The following PLCL1 variants were observed in gnomAD, a reference collection of about 807,000 sequenced individuals.
PLCL1 encodes the protein inactive phospholipase C-like protein 1.
Under a neutral mutation model 84.4 loss-of-function variants are expected in PLCL1, and 41 were observed. The observed-to-expected ratio is 0.49, with a 90% CI of 0.38 to 0.63. The LOEUF is 0.63. Ranked by LOEUF, PLCL1 falls within the 30% of genes least tolerant of loss-of-function variation. The pLI is 0.00. For missense variants in PLCL1, 1,206 were observed against 1,367.8 expected (o/e 0.88, Z 1.87); for synonymous variants, 490 against 488.3 (o/e 1.00, Z -0.05).
intron 1 of PLCL1, among the ~76,000 whole-genome samples, chr2:198,057,433 C>T (rs527280161): frequency 2.0e-5 from 3 of 151,976 alleles, no homozygotes; most frequent in African/African-American, 4.8e-5. Flanking sequence ...TTAGTCTTCT[C>T]GGTACACCTT....
chr2:197,912,906 C>G (rs1688514905), intron 1 of PLCL1, among the ~76,000 whole-genome samples: 2 of 145,236 alleles, frequency 1.4e-5, no homozygotes, highest in African/African-American at 2.6e-5. Flanking sequence ...ACATATGTAA[C>G]TAACCTGCAC....
chr2:198,100,482 TAGAA>T (rs1693306145), intron 3 of PLCL1, among the ~76,000 whole-genome samples: 1 of 151,996 alleles, frequency 6.6e-6, no homozygotes. Context: ...GTTTCCCTAA[TAGAA>T]AGAAATGTGT....
intron 1 of PLCL1, among the ~76,000 whole-genome samples, chr2:198,032,752 A>G (rs1406915573): frequency 6.6e-6 from 1 of 152,222 alleles, no homozygotes; most frequent in Non-Finnish European, 1.5e-5. Flanking sequence ...CCTTAAGGTT[A>G]TAAGATCAAA....
At chr2:197,883,838 C>CA (rs1435073710) in intron 1 of PLCL1, among the ~76,000 whole-genome samples, 1 of 152,160 alleles carries the variant, frequency 6.6e-6, no homozygotes, top group African/African-American at 2.4e-5. Flanking sequence ...TTTTGGGTAT[C>CA]ATGTGCAGAA....
In PLCL1 at chr2:198,083,770, C is replaced by T; in HGVS notation, c.253C>T (p.Gln85Ter). The change falls in exon 2 of 6, where the codon CAA becomes TAA. Residue 85 changes from glutamine (Q) to a stop codon, truncating the protein, a stop_gained. Coordinates refer to ENST00000428675, the MANE Select transcript of PLCL1 (RefSeq NM_006226.4). LOFTEE classifies it high-confidence loss of function. ...RSSIIKDPSN[Q>*]KCGGRKKTVS... The stretch of plus-strand genomic sequence containing the variant: ...AATTATTTTACAGGATCCTTCAAAC[C>T]AAAAATGTGGTGGAAGAAAGAAAAC... 1 of 1,577,484 alleles carries T rather than the reference C, an allele frequency of 6.3e-7. No homozygotes were observed. The highest frequency in any genetic ancestry group is 8.6e-7 in the Non-Finnish European group (1 of 1,164,290).
chr2:197,881,133 C>A (rs764430382), intron 1 of PLCL1, among the ~76,000 whole-genome samples: 9 of 152,144 alleles, frequency 5.9e-5, no homozygotes, highest in Admixed American at 6.6e-5. Flanking sequence ...ACTCCTAACA[C>A]AGTTCTTGGC....
Position 197,969,293 on chromosome 2 carries a change from G to T in PLCL1, c.241-114465G>T, listed in dbSNP as rs189667804. ...AAGTGCATGTGTGAGTCTAGCATAT[G>T]TTGTAGTGTACATTTTTTATAGGGT... On this transcript the variant is annotated intron_variant, in intron 1 of 5. Coordinates refer to ENST00000428675, the MANE Select transcript of PLCL1 (RefSeq NM_006226.4). Among the ~76,000 whole-genome samples, 202 of 152,286 alleles carry T rather than the reference G, an allele frequency of 1.3e-3. 2 individuals carry two copies. The highest frequency in any genetic ancestry group is 1.1e-3 in the Non-Finnish European group (76 of 68,018).
chr2:198,133,670 G>A (rs938407945), intron 5 of PLCL1, among the ~76,000 whole-genome samples: 7 of 152,012 alleles, frequency 4.6e-5, no homozygotes, highest in African/African-American at 1.7e-4. Context: ...AAGTCAACAG[G>A]AGTGAAGCTG....
intron 1 of PLCL1, among the ~76,000 whole-genome samples, chr2:197,963,528 C>T (rs886301898): frequency 4.3e-4 from 65 of 152,098 alleles, no homozygotes; most frequent in Admixed American, 1.1e-3. Flanking sequence ...TCTCCCCATT[C>T]TGTGTGATGT....
intron 1 of PLCL1, among the ~76,000 whole-genome samples, chr2:197,930,405 C>G (rs1452981334): frequency 1.3e-5 from 2 of 152,168 alleles, no homozygotes; most frequent in Non-Finnish European, 2.9e-5. Context: ...GGCAGTTGAG[C>G]TATTTGGTGA....
intron 1 of PLCL1, among the ~76,000 whole-genome samples, chr2:197,997,202 G>A (rs1690489061): frequency 1.3e-5 from 2 of 152,246 alleles, no homozygotes; most frequent in Non-Finnish European, 2.9e-5. Context: ...AGTCCACAGA[G>A]TCCGCTCCCA....
At chr2:197,964,135 A>G (rs1164655682) in intron 1 of PLCL1, among the ~76,000 whole-genome samples, 2 of 152,072 alleles carry the variant, frequency 1.3e-5, no homozygotes, top group Non-Finnish European at 2.9e-5. Context: ...CTCTGTGAAG[A>G]ATGTCATTGG....
intron 1 of PLCL1, among the ~76,000 whole-genome samples, chr2:197,912,914 C>A (rs1268427075): frequency 7.0e-6 from 1 of 143,558 alleles, no homozygotes; most frequent in Admixed American, 7.1e-5. Context: ...AACTAACCTG[C>A]ACAATGTGCA....
At chr2:198,021,676 C>G (rs961485160) in intron 1 of PLCL1, among the ~76,000 whole-genome samples, 1 of 152,112 alleles carries the variant, frequency 6.6e-6, no homozygotes, top group Non-Finnish European at 1.5e-5. Context: ...CACACACACC[C>G]TCCCAAGACT....
Position 197,805,211 on chromosome 2 carries a change from T to C in PLCL1, c.112T>C (p.Ser38Pro), listed in dbSNP as rs1690444430. The C allele has an allele frequency of 7.1e-6, 9 of 1,274,718 alleles. No individual in the cohort carries two copies. The highest frequency in any genetic ancestry group is 8.9e-6 in the Non-Finnish European group (9 of 1,012,554). The allele number at this position is 1,274,718 out of a possible 1,614,324, so 79.0% of individuals were successfully genotyped here. Residue 38 changes from serine to proline, a missense_variant, in exon 1 of 6, where the codon TCT becomes CCT. By Grantham distance (74) the Ser-to-Pro change is moderately conservative (BLOSUM62 -1). Transcript: ENST00000428675. The surrounding 1 kb of genome is among the most constrained non-coding windows in gnomAD (Gnocchi z 4.0). ...CGCCGGGGACTGCGTGACGGCGGCC[T>C]CTGGGGGCCGGATGAGGGACCGTCG... ...DAAGDCVTAA[S>P]GGRMRDRRSG...
At chr2:197,864,228 A>G (rs1687485493) in intron 1 of PLCL1, among the ~76,000 whole-genome samples, 1 of 152,104 alleles carries the variant, frequency 6.6e-6, no homozygotes, top group South Asian at 2.1e-4. Context: ...TGCCAATTTC[A>G]GTATATCACA....
intron 1 of PLCL1, among the ~76,000 whole-genome samples, chr2:198,073,176 T>C (rs1183263794): frequency 6.6e-6 from 1 of 152,234 alleles, no homozygotes. Context: ...TTATGGACTT[T>C]GAGTTTTATT....
chr2:197,961,492 C>G (rs1273705362), intron 1 of PLCL1, among the ~76,000 whole-genome samples: 1 of 151,800 alleles, frequency 6.6e-6, no homozygotes, highest in Non-Finnish European at 1.5e-5. Context: ...TTATATATCC[C>G]TTTTCCTTGA....
At chr2:198,058,788 A>AT (rs1199570074) in intron 1 of PLCL1, among the ~76,000 whole-genome samples, 4 of 152,148 alleles carry the variant, frequency 2.6e-5, no homozygotes, top group Non-Finnish European at 4.4e-5. Flanking sequence ...AAGACATATG[A>AT]TTGCTTTATT....
Sources: allele counts gnomAD v4.1 joint callset (sites outside exome capture counted in the v4.1 genomes callset), GRCh38; gene constraint gnomAD v4.1.1; non-coding constraint Gnocchi (gnomAD v3.1); transcripts MANE v1.5; gene names NCBI Gene and HGNC (gene_info 2026-07-23, HGNC 2026-07-21).